Variants in EPHA7 observed in about 807,000 individuals in gnomAD.
The protein encoded by EPHA7 is EPH receptor A7, also known as ephrin type-A receptor 7.
Under a neutral mutation model 112.6 loss-of-function variants are expected in EPHA7, and 25 were observed. The ratio of observed to expected loss-of-function variants is 0.22; its 90% CI spans 0.16 to 0.31. The LOEUF (loss-of-function observed/expected upper bound fraction) is 0.31, where lower values mean the gene tolerates loss of function less well. Ranked by LOEUF, EPHA7 falls within the 10% of genes least tolerant of loss-of-function variation. The pLI is 1.00. For missense variants in EPHA7, 962 were observed against 1,212.6 expected, an observed-to-expected ratio of 0.79 and a Z score of 3.07; for synonymous variants, 437 against 406.5, an observed-to-expected ratio of 1.07 and a Z score of -0.90.
intron 5 of EPHA7, among the ~76,000 whole-genome samples, chr6:93,345,431 T>G (rs181059857): frequency 6.6e-6 from 1 of 151,782 alleles, no homozygotes; most frequent in African/African-American, 2.4e-5. Flanking sequence ...GGCAAGCAGC[T>G]ACATGACTGT....
intron 3 of EPHA7, among the ~76,000 whole-genome samples, chr6:93,378,412 G>A (rs1039577023): frequency 1.1e-4 from 17 of 152,120 alleles, no homozygotes; most frequent in African/African-American, 3.6e-4. Flanking sequence ...GGAGGGCTTC[G>A]GTGGTAATGC....
At chr6:93,370,780 A>G (rs1776749628) in intron 3 of EPHA7, among the ~76,000 whole-genome samples, 1 of 152,130 alleles carries the variant, frequency 6.6e-6, no homozygotes, top group African/African-American at 2.4e-5. Flanking sequence ...ATGTACATAT[A>G]CTACTTTACA....
intron 3 of EPHA7, among the ~76,000 whole-genome samples, chr6:93,382,680 C>G (rs1355909937): frequency 6.6e-6 from 1 of 152,128 alleles, no homozygotes; most frequent in African/African-American, 2.4e-5. Context: ...GAGGTTTTTT[C>G]CCTCACCACT....
intron 3 of EPHA7, among the ~76,000 whole-genome samples, chr6:93,404,272 G>A (rs773460988): frequency 8.6e-5 from 13 of 151,976 alleles, no homozygotes; most frequent in Non-Finnish European, 1.3e-4. Context: ...TATTTAGGAT[G>A]TTAGGAAAGG....
intron 5 of EPHA7, among the ~76,000 whole-genome samples, chr6:93,335,535 C>G (rs1774822510): frequency 6.6e-6 from 1 of 151,920 alleles, no homozygotes; most frequent in Non-Finnish European, 1.5e-5. Flanking sequence ...TTAAAAAGCA[C>G]CTGTGTTTTA....
At chr6:93,253,085 A>C (rs1402235721) in intron 14 of EPHA7, among the ~76,000 whole-genome samples, 1 of 151,978 alleles carries the variant, frequency 6.6e-6, no homozygotes, top group Non-Finnish European at 1.5e-5. Context: ...GTTTGAATCC[A>C]ATACAGAAGG....
chr6:93,317,615 G>T (rs1773875362), intron 5 of EPHA7, among the ~76,000 whole-genome samples: 1 of 152,162 alleles, frequency 6.6e-6, no homozygotes, highest in Non-Finnish European at 1.5e-5. Flanking sequence ...CTTGGTCACA[G>T]AATTACACAT....
At chr6:93,350,575 A>G (rs1775639909) in intron 5 of EPHA7, among the ~76,000 whole-genome samples, 1 of 152,074 alleles carries the variant, frequency 6.6e-6, no homozygotes. Flanking sequence ...ATCCATACAC[A>G]ACAAAATTGA....
intron 5 of EPHA7, among the ~76,000 whole-genome samples, chr6:93,322,776 G>A (rs1774138559): frequency 6.6e-6 from 1 of 151,498 alleles, no homozygotes; most frequent in Non-Finnish European, 1.5e-5. Context: ...ATAAATCCCT[G>A]AGGGAAGCCT....
intron 10 of EPHA7, 111 bp from the exon 11 acceptor site, chr6:93,258,395 G>A: frequency 8.7e-7 from 1 of 1,148,820 alleles, no homozygotes; most frequent in Non-Finnish European, 1.2e-6. Context: ...TTATTTGAAA[G>A]CATTTTAAAA....
chr6:93,302,405 C>T (rs188306558), intron 5 of EPHA7, among the ~76,000 whole-genome samples: 5 of 152,100 alleles, frequency 3.3e-5, no homozygotes, highest in African/African-American at 9.6e-5. Flanking sequence ...ATACTTCAAC[C>T]GTCCCCTCCC....
chr6:93,272,206 T>G, intron 6 of EPHA7, 92 bp downstream of exon 6: 2 of 1,435,184 alleles, frequency 1.4e-6, no homozygotes, highest in Middle Eastern at 4.2e-4. Context: ...AGCTCCAAAT[T>G]GTTGGCATAA....
At position 93,359,876 on chromosome 6, in the gene EPHA7, GATAGATAGATAGATAGATAGATAGAT is replaced by G. The variant is rs1776168797; in HGVS notation, c.833-1491_833-1466del. Among the ~76,000 whole-genome samples the G allele has an allele frequency of 4.6e-5, 5 of 108,512 alleles. No individual in the cohort carries two copies. In the South Asian group the frequency reaches 1.2e-3, roughly 26 times the overall value. The allele number at this position is 108,512 out of a possible 152,430, so 71.2% of individuals were successfully genotyped here. A position where few individuals can be genotyped will look rare whatever the true frequency, so the allele number is the denominator to read the frequency against. On this transcript the variant is annotated intron_variant, in intron 3 of 16. Transcript: ENST00000369303. ...TGATAGAGAGAGAGAGAGAGAGAGA[GATAGATAGATAGATAGATAGATAGAT>G]AGATAGATAGATAGATAGAGATAGA...
chr6:93,284,280 T>C lies in EPHA7; in HGVS notation c.1325-11858A>G, dbSNP rs182831978. On this transcript the variant is annotated intron_variant, in intron 5 of 16. Transcript: ENST00000369303. ...CTTAAACATGATTTAACAATGTTAG[T>C]TTTTGCAGAATTCTTCCTCGTTAGT... Among the ~76,000 whole-genome samples, 26 of 152,302 alleles carry C rather than the reference T, an allele frequency of 1.7e-4. No individual in the cohort carries two copies. The East Asian group carries it at 4.8e-3, about 28-fold the overall frequency.
intron 3 of EPHA7, among the ~76,000 whole-genome samples, chr6:93,393,703 CTAATA>C (rs1778020500): frequency 6.6e-6 from 1 of 151,922 alleles, no homozygotes; most frequent in Admixed American, 6.6e-5. Flanking sequence ...TGTTACTAAT[CTAATA>C]TGACTTCTGC....
At chr6:93,330,058 A>G (rs952608270) in intron 5 of EPHA7, among the ~76,000 whole-genome samples, 1 of 151,360 alleles carries the variant, frequency 6.6e-6, no homozygotes, top group Non-Finnish European at 1.5e-5. Context: ...TAACTAAAGA[A>G]TTTGAAATAA....
chr6:93,266,845 CTG>C (rs1306154865), intron 7 of EPHA7, among the ~76,000 whole-genome samples: 1 of 151,682 alleles, frequency 6.6e-6, no homozygotes, highest in African/African-American at 2.4e-5. Context: ...AGATCATGAA[CTG>C]TGTGTTTCTG....
chr6:93,358,109 A>C (rs768627090), intron 4 of EPHA7, 147 bp downstream of exon 4: 10 of 573,582 alleles, frequency 1.7e-5, no homozygotes, highest in South Asian at 9.0e-5. Flanking sequence ...TATGAAAGAA[A>C]ATTTTATCTT....
At chr6:93,243,821 C>G (rs1769789527) in intron 16 of EPHA7, among the ~76,000 whole-genome samples, 1 of 151,964 alleles carries the variant, frequency 6.6e-6, no homozygotes. Flanking sequence ...AGTCTTAAAA[C>G]TATTATTAAC....
Sources: gnomAD v4.1 joint callset for allele counts (sites outside exome capture counted in the v4.1 genomes callset) on GRCh38, gnomAD v4.1.1 for gene constraint, MANE v1.5 for transcripts, NCBI Gene and HGNC (gene_info 2026-07-23, HGNC 2026-07-21) for gene names.